The following RAB12 variants were observed in gnomAD, a reference collection of about 807,000 sequenced individuals.
The protein encoded by RAB12 is ras-related protein Rab-12.
In RAB12, 11 loss-of-function variants were observed where a neutral mutation model predicts 28.4. That is an observed-to-expected ratio of 0.39 (90% CI 0.24 to 0.64). RAB12 has a LOEUF of 0.64. Ranked by LOEUF, RAB12 falls within the 30% of genes least tolerant of loss-of-function variation. The probability of loss-of-function intolerance (pLI) is 0.50; values close to 1 mark genes in which losing one functional copy is unlikely to be tolerated. For missense variants in RAB12, 276 were observed against 351.1 expected, an observed-to-expected ratio of 0.79 and a Z score of 1.71; for synonymous variants, 138 against 145.3, an observed-to-expected ratio of 0.95 and a Z score of 0.36.
At chr18:8,621,779 A>T (rs1482014335) in intron 1 of RAB12, among the ~76,000 whole-genome samples, 3 of 150,408 alleles carry the variant, frequency 2.0e-5, no homozygotes, top group Non-Finnish European at 3.0e-5. Context: ...CCTACCCATC[A>T]CCCTCAGGTA....
At chr18:8,629,891 C>T (rs1306267779) in intron 2 of RAB12, among the ~76,000 whole-genome samples, 1 of 152,198 alleles carries the variant, frequency 6.6e-6, no homozygotes, top group Non-Finnish European at 1.5e-5. Flanking sequence ...CAGCTTACTC[C>T]ACTGTGGCGC....
At chr18:8,627,790 G>A (rs1281014123) in intron 2 of RAB12, among the ~76,000 whole-genome samples, 2 of 152,194 alleles carry the variant, frequency 1.3e-5, no homozygotes, top group African/African-American at 2.4e-5. Flanking sequence ...ACTGTTGGGG[G>A]ACTTTGTTTT....
intron 5 of RAB12, among the ~76,000 whole-genome samples, chr18:8,637,737 GATAAC>G (rs1598315253): frequency 1.3e-5 from 2 of 152,080 alleles, no homozygotes; most frequent in Non-Finnish European, 2.9e-5. Context: ...AAGCCTTACT[GATAAC>G]ATAAACAGTC....
chr18:8,609,443 C>T lies in RAB12; in HGVS notation c.4C>T (p.Leu2=), dbSNP rs2096002274. The change falls in exon 1 of 6, where the codon CTG becomes TTG. Residue 2 remains leucine (L), a synonymous_variant. Coordinates refer to ENST00000649141, the MANE Select transcript of RAB12 (RefSeq NM_001025300.3). ...TTCCTGCCCCTCCTCGTCCGGGATG[C>T]TGCTGCCGCTACTGCGGAGTAGCTG... M[L]LPLLRSSCFP... The T allele has an allele frequency of 7.3e-5, 11 of 150,598 alleles. No individual in the cohort carries two copies. In the South Asian group the frequency reaches 2.0e-3, roughly 27 times the overall value. The allele number at this position is 150,598 out of a possible 1,614,324, so 9.3% of individuals were successfully genotyped here.
intron 1 of RAB12, among the ~76,000 whole-genome samples, chr18:8,610,868 G>C (rs1208628144): frequency 1.3e-5 from 2 of 152,174 alleles, no homozygotes; most frequent in Non-Finnish European, 2.9e-5. Flanking sequence ...TGAGTAGTCA[G>C]GAGATTTGAT....
At chr18:8,628,557 AT>A (rs1567896077) in intron 2 of RAB12, among the ~76,000 whole-genome samples, 1 of 152,174 alleles carries the variant, frequency 6.6e-6, no homozygotes, top group Non-Finnish European at 1.5e-5. Context: ...ATGTTTCCTC[AT>A]TGGGATTTTT....
chr18:8,630,664 C>T (rs945580641), intron 2 of RAB12, among the ~76,000 whole-genome samples: 2 of 152,140 alleles, frequency 1.3e-5, no homozygotes, highest in African/African-American at 2.4e-5. Context: ...AAACAGGGCT[C>T]AGCTGGCATC....
chr18:8,619,077 T>G (rs547041902), intron 1 of RAB12, among the ~76,000 whole-genome samples: 1 of 152,320 alleles, frequency 6.6e-6, no homozygotes, highest in South Asian at 2.1e-4. Flanking sequence ...TATATAAAAC[T>G]TAAGGTCATT....
At chr18:8,613,762 C>T (rs577388308) in intron 1 of RAB12, among the ~76,000 whole-genome samples, 1 of 152,168 alleles carries the variant, frequency 6.6e-6, no homozygotes. Flanking sequence ...GGTTCTTGCT[C>T]CAGGCTCTGC....
rs2148713347 is a variant in RAB12 at position 8,639,277 on chromosome 18, A to C, written c.*1015A>C. On this transcript the variant is annotated 3_prime_UTR_variant, in exon 6 of 6. Coordinates refer to ENST00000649141, the MANE Select transcript of RAB12 (RefSeq NM_001025300.3). ...TTTGTTTAGTCAAGGTAATTAAGTA[A>C]TTATGTATTTGAATAACTTGGTGTG... is the stretch of plus-strand genomic sequence containing the variant. 1 of 148,392 alleles carries C rather than the reference A, an allele frequency of 6.7e-6. No homozygotes were observed. The highest frequency in any genetic ancestry group is 2.0e-4 in the East Asian group (1 of 4,938). 9.2% of individuals were successfully genotyped at this position (148,392 alleles called of 1,614,324 possible).
chr18:8,612,437 T>C (rs1308657461), intron 1 of RAB12, among the ~76,000 whole-genome samples: 1 of 152,210 alleles, frequency 6.6e-6, no homozygotes, highest in African/African-American at 2.4e-5. Context: ...TCTAGTTTCA[T>C]CTTCATGTAG....
At chr18:8,628,371 A>G (rs560221275) in intron 2 of RAB12, among the ~76,000 whole-genome samples, 1 of 152,248 alleles carries the variant, frequency 6.6e-6, no homozygotes, top group Non-Finnish European at 1.5e-5. Context: ...AGGGAAATAA[A>G]TCAAGCAAAG....
chr18:8,622,340 T>C (rs2096010355), intron 1 of RAB12, among the ~76,000 whole-genome samples: 1 of 152,216 alleles, frequency 6.6e-6, no homozygotes, highest in African/African-American at 2.4e-5. Context: ...TCACGTAGGT[T>C]CTTTTCTATT....
At chr18:8,613,766 G>T (rs1361464168) in intron 1 of RAB12, among the ~76,000 whole-genome samples, 1 of 152,058 alleles carries the variant, frequency 6.6e-6, no homozygotes, top group Non-Finnish European at 1.5e-5. Flanking sequence ...CTTGCTCCAG[G>T]CTCTGCCACT....
At position 8,621,680 on chromosome 18, in the gene RAB12, G is replaced by A. The variant is rs934684124; in HGVS notation, c.515-3258G>A. 7.2e-5 allele frequency among the ~76,000 whole-genome samples: 11 copies of A among 152,128 alleles called. No individual in the cohort carries two copies. In the East Asian group the frequency reaches 9.7e-4, roughly 13 times the overall value. On this transcript the variant is annotated intron_variant, in intron 1 of 5. Transcript: ENST00000649141. ...CAGGTTTGTTACATGGGTGAATTGC[G>A]TGTCATGGGGGTTTGGTGTACAGAT...
At chr18:8,629,051 ATTAT>A (rs1339763399) in intron 2 of RAB12, among the ~76,000 whole-genome samples, 1 of 152,172 alleles carries the variant, frequency 6.6e-6, no homozygotes, top group Non-Finnish European at 1.5e-5. Context: ...AAAAATGCTT[ATTAT>A]TTTTAACTTT....
intron 1 of RAB12, among the ~76,000 whole-genome samples, chr18:8,619,208 T>G (rs1364487677): frequency 6.6e-6 from 1 of 152,194 alleles, no homozygotes; most frequent in Non-Finnish European, 1.5e-5. Context: ...CTCCAGATCT[T>G]TGGTGGAACG....
At chr18:8,614,250 CCT>C (rs1353545984) in intron 1 of RAB12, among the ~76,000 whole-genome samples, 9 of 151,340 alleles carry the variant, frequency 5.9e-5, no homozygotes, top group East Asian at 3.9e-4. Flanking sequence ...TAAGTGTGCC[CCT>C]GTCATTACTT....
At chr18:8,628,847 TG>T (rs2096014306) in intron 2 of RAB12, among the ~76,000 whole-genome samples, 1 of 152,236 alleles carries the variant, frequency 6.6e-6, no homozygotes, top group Admixed American at 6.5e-5. Context: ...CTCCAGTTTC[TG>T]GATTCTTAAG....
Sources: gnomAD v4.1 joint callset for allele counts (sites outside exome capture counted in the v4.1 genomes callset) on GRCh38, gnomAD v4.1.1 for gene constraint, MANE v1.5 for transcripts, NCBI Gene and HGNC (gene_info 2026-07-23, HGNC 2026-07-21) for gene names.